Variants in TMEM184C observed in about 807,000 individuals in gnomAD.
TMEM184C encodes the protein transmembrane protein 34.
In TMEM184C, 25 loss-of-function variants were observed where a neutral mutation model predicts 54.5. The observed-to-expected ratio is 0.46, with a 90% confidence interval of 0.33 to 0.64. TMEM184C has a LOEUF of 0.64. TMEM184C is among the 30% of genes least tolerant of loss of function. TMEM184C has a pLI of 0.02. For synonymous variants in TMEM184C, 148 were observed against 181.5 expected (o/e 0.82, Z 1.49); for missense variants, 335 against 520.3 (o/e 0.64, Z 3.46).
rs368229569 is a variant in TMEM184C at position 147,624,615 on chromosome 4, G to A, written c.292-189G>A. The stretch of plus-strand genomic sequence containing the variant: ...GTTTTTGTTTACCAATATCTAAGAT[G>A]TTTATTGCTTTTAAGCATTCATTTC... On this transcript the variant is annotated intron_variant, in intron 3 of 9. Coordinates refer to ENST00000296582, the MANE Select transcript of TMEM184C (RefSeq NM_018241.3). Among the ~76,000 whole-genome samples, 44 of 152,226 alleles carry A rather than the reference G, an allele frequency of 2.9e-4. No homozygotes were observed. In the South Asian group the frequency reaches 8.3e-3, roughly 29 times the overall value.
At chr4:147,632,793 G>A in intron 7 of TMEM184C, 110 bp from the exon 8 acceptor site, 2 of 743,270 alleles carry the variant, frequency 2.7e-6, no homozygotes, top group African/African-American at 1.8e-5. Context: ...AAGGCAGGGT[G>A]GTGGTGGTAC....
intron 6 of TMEM184C, among the ~76,000 whole-genome samples, 198 bp from the exon 7 acceptor site, chr4:147,631,195 T>G (rs971369844): frequency 6.6e-6 from 1 of 152,136 alleles, no homozygotes; most frequent in African/African-American, 2.4e-5. Context: ...CTTAAAAACA[T>G]TTTTACGGAA....
In TMEM184C at chr4:147,631,350, A is replaced by G. The variant is rs757776242; in HGVS notation, c.667-43A>G. On this transcript the variant is annotated intron_variant, in intron 6 of 9. Transcript: ENST00000296582. ...ATGTAACTTTAATATTTCTATTACC[A>G]TATCTATTACTGAACAAGTTTAAAT... is the stretch of plus-strand genomic sequence containing the variant. 5.7e-6 allele frequency: 8 copies of G among 1,405,868 alleles called. No homozygotes were observed. The East Asian group carries it at 9.4e-5, about 17-fold the overall frequency. 87.1% of individuals were successfully genotyped at this position (1,405,868 alleles called of 1,614,324 possible). A position where few individuals can be genotyped will look rare whatever the true frequency, so the allele number is the denominator to read the frequency against.
At chr4:147,618,993 C>G (rs919107641) in intron 1 of TMEM184C, among the ~76,000 whole-genome samples, 1 of 152,038 alleles carries the variant, frequency 6.6e-6, no homozygotes, top group Non-Finnish European at 1.5e-5. Context: ...CCTCAGCCTC[C>G]CGAGTAGCTG....
chr4:147,629,324 G>A (rs1314728629), intron 5 of TMEM184C, among the ~76,000 whole-genome samples: 1 of 151,840 alleles, frequency 6.6e-6, no homozygotes, highest in African/African-American at 2.4e-5. Context: ...TAAGTGTTAT[G>A]TGTCTTATTT....
intron 1 of TMEM184C, among the ~76,000 whole-genome samples, chr4:147,623,567 AG>A (rs1160172412): frequency 7.1e-6 from 1 of 141,250 alleles, no homozygotes; most frequent in African/African-American, 2.7e-5. Flanking sequence ...AAAAAAAAAA[AG>A]ATTCATACTC....
At chr4:147,630,161 C>A (rs1232655443) in intron 6 of TMEM184C, among the ~76,000 whole-genome samples, 1 of 151,788 alleles carries the variant, frequency 6.6e-6, no homozygotes, top group African/African-American at 2.4e-5. Flanking sequence ...TTGAGAATGC[C>A]AAGTTTAAAA....
chr4:147,630,028 C>T (rs547800888), intron 6 of TMEM184C, among the ~76,000 whole-genome samples: 25 of 151,080 alleles, frequency 1.7e-4, no homozygotes, highest in Middle Eastern at 3.4e-3. Flanking sequence ...TACACACACA[C>T]GCCCACATAT....
intron 5 of TMEM184C, among the ~76,000 whole-genome samples, chr4:147,629,034 C>A (rs1732863635): frequency 6.6e-6 from 1 of 152,104 alleles, no homozygotes; most frequent in Non-Finnish European, 1.5e-5. Context: ...TGAAAGAATT[C>A]TTTATTCTGC....
Position 147,617,514 on chromosome 4 carries a change from A to C in TMEM184C, c.-443A>C. 1 of 168,354 alleles carries C rather than the reference A, an allele frequency of 5.9e-6. No individual in the cohort carries two copies. The highest frequency in any genetic ancestry group is 5.5e-5 in the Admixed American group (1 of 18,058). 10.4% of individuals were successfully genotyped at this position (168,354 alleles called of 1,614,324 possible). ...ACGCCTGCCAGTGCGGGAGGTAGGA[A>C]GCTCGATCCCCAAAGAAAAGAGCGA... is the stretch of plus-strand genomic sequence containing the variant. On this transcript the variant is annotated 5_prime_UTR_variant, in exon 1 of 10. Transcript: ENST00000296582.
rs1732998867 is a variant in TMEM184C at position 147,635,276 on chromosome 4, T to C, written c.*842T>C. ...TTAAACATTAAAAACCCTTAATATT[T>C]TAACAAAAATTTCTTGATTAGAGGC... On this transcript the variant is annotated 3_prime_UTR_variant, in exon 10 of 10. Coordinates refer to ENST00000296582, the MANE Select transcript of TMEM184C (RefSeq NM_018241.3). 6.6e-6 allele frequency: 1 copy of C among 152,156 alleles called. No individual in the cohort carries two copies. 9.4% of individuals were successfully genotyped at this position (152,156 alleles called of 1,614,324 possible).
At chr4:147,629,914 T>C (rs1040583223) in intron 6 of TMEM184C, among the ~76,000 whole-genome samples, 1 of 151,676 alleles carries the variant, frequency 6.6e-6, no homozygotes, top group African/African-American at 2.4e-5. Context: ...TGGCAACTTA[T>C]ACCCTCACAT....
chr4:147,627,869 A>G (rs1406581170), intron 4 of TMEM184C, among the ~76,000 whole-genome samples: 2 of 150,988 alleles, frequency 1.3e-5, no homozygotes, highest in Non-Finnish European at 2.9e-5. Flanking sequence ...CCATGTCTAC[A>G]GAAAATAAAT....
At chr4:147,621,985 C>CTTTTTTTTTT (rs199693141) in intron 1 of TMEM184C, among the ~76,000 whole-genome samples, 1 of 53,180 alleles carries the variant, frequency 1.9e-5, no homozygotes, top group East Asian at 3.8e-4. Flanking sequence ...TTCTTTTTTT[C>CTTTTTTTTTT]TTTCTTTTTT....
In TMEM184C at chr4:147,624,107, G is replaced by C. The variant is rs72947807; in HGVS notation, c.291+9G>C. 1 of 1,589,130 alleles carries C rather than the reference G, an allele frequency of 6.3e-7. No individual in the cohort carries two copies. Among genetic ancestry groups the C allele is most frequent in the Admixed American group, 1.7e-5 (1 of 58,996 alleles). On this transcript the variant is annotated intron_variant, in intron 3 of 9. Transcript: ENST00000296582. ...TTTACAGTTTAGATAGTGTAAGTATGTTTCATTTTTATCTCATTAACTAAG... is the reference window on the plus strand; with the variant it reads ...TTTACAGTTTAGATAGTGTAAGTATCTTTCATTTTTATCTCATTAACTAAG...
At chr4:147,630,491 TAAC>T (rs2126553319) in intron 6 of TMEM184C, among the ~76,000 whole-genome samples, 1 of 152,124 alleles carries the variant, frequency 6.6e-6, no homozygotes, top group African/African-American at 2.4e-5. Flanking sequence ...TACTTGTAAA[TAAC>T]AAAAGGCTGA....
In TMEM184C at chr4:147,631,202, G is replaced by A. The variant is rs112171618; in HGVS notation, c.667-191G>A. Among the ~76,000 whole-genome samples the A allele has an allele frequency of 2.2e-3, 327 of 152,080 alleles. 1 individual carries two copies. Among genetic ancestry groups the A allele is most frequent in the African/African-American group, 7.4e-3 (307 of 41,520 alleles). ...AGTGAACACTTAAAAACATTTTTAC[G>A]GAAGATGTTGTATGTAGTATATATT... On this transcript the variant is annotated intron_variant, in intron 6 of 9. Coordinates refer to ENST00000296582, the MANE Select transcript of TMEM184C (RefSeq NM_018241.3).
chr4:147,629,910 C>T (rs1560954177), intron 6 of TMEM184C, among the ~76,000 whole-genome samples: 1 of 151,270 alleles, frequency 6.6e-6, no homozygotes, highest in Non-Finnish European at 1.5e-5. Flanking sequence ...TATTTGGCAA[C>T]TTATACCCTC....
Position 147,628,389 on chromosome 4 carries a change from G to A in TMEM184C, c.526G>A (p.Val176Ile). 1.2e-6 allele frequency: 2 copies of A among 1,613,722 alleles called. No homozygotes were observed. The highest frequency in any genetic ancestry group is 1.3e-5 in the African/African-American group (1 of 74,988). Residue 176 changes from valine to isoleucine, a missense_variant, in exon 5 of 10, where the codon GTA becomes ATA. Val to Ile is a conservative substitution (Grantham distance 29). Coordinates refer to ENST00000296582, the MANE Select transcript of TMEM184C (RefSeq NM_018241.3). ...EVLLFRCKLG[V>I]LQYTVVRPFT... Reference sequence around the variant, plus strand: ...ATTGCTGTTTAGGTGCAAACTAGGTGTATTACAGTACACAGTTGTCAGACC... The same window carrying A: ...ATTGCTGTTTAGGTGCAAACTAGGTATATTACAGTACACAGTTGTCAGACC...
Sources: gnomAD v4.1 joint callset for allele counts (sites outside exome capture counted in the v4.1 genomes callset) on GRCh38, gnomAD v4.1.1 for gene constraint, MANE v1.5 for transcripts, NCBI Gene and HGNC (gene_info 2026-07-23, HGNC 2026-07-21) for gene names.